The following ARHGEF28 variants were observed in gnomAD, a reference collection of about 807,000 sequenced individuals.
ARHGEF28 encodes the protein Rho guanine nucleotide exchange factor 28.
In ARHGEF28, 152 loss-of-function variants were observed where a neutral mutation model predicts 206.6. The ratio of observed to expected loss-of-function variants is 0.74; its 90% CI spans 0.64 to 0.84. The LOEUF (loss-of-function observed/expected upper bound fraction) is 0.84, where lower values mean the gene tolerates loss of function less well. Among genes scored for constraint, ARHGEF28 ranks in the 40% least tolerant of loss-of-function variants. The pLI, the probability that ARHGEF28 is intolerant of heterozygous loss-of-function variation, is 0.00. For missense variants in ARHGEF28, 2,028 were observed against 2,073.2 expected, an observed-to-expected ratio of 0.98 and a Z score of 0.42; for synonymous variants, 763 against 776.4, an observed-to-expected ratio of 0.98 and a Z score of 0.29.
chr5:73,780,849 G>A, intron 7 of ARHGEF28, 104 bp downstream of exon 7: 2 of 1,263,240 alleles, frequency 1.6e-6, no homozygotes, highest in Non-Finnish European at 2.2e-6. Flanking sequence ...GAATCAAGGG[G>A]CTCAGAGGCA....
intron 1 of ARHGEF28, among the ~76,000 whole-genome samples, chr5:73,671,730 ATATATATATTTTTTTTTTTTTT>A (rs1746352458): frequency 1.3e-4 from 1 of 7,494 alleles, no homozygotes; most frequent in South Asian, 8.1e-3. Context: ...ATATATATAT[ATATATATATTTTTTTTTTTTTT>A]TTTTTTTTTT....
At chr5:73,738,109 G>C (rs113587327) in intron 2 of ARHGEF28, among the ~76,000 whole-genome samples, 6 of 152,328 alleles carry the variant, frequency 3.9e-5, no homozygotes, top group African/African-American at 1.4e-4. Context: ...TTTAGGGGGA[G>C]TTCATTGATT....
At chr5:73,900,793 A>G (rs1762220037) in intron 30 of ARHGEF28, 1 of 167,442 alleles carries the variant, frequency 6.0e-6, no homozygotes, top group Non-Finnish European at 1.3e-5. Context: ...TAAGTCTGCC[A>G]AGAGACCTTG....
intron 2 of ARHGEF28, among the ~76,000 whole-genome samples, chr5:73,706,396 C>T (rs906223980): frequency 2.0e-5 from 3 of 151,744 alleles, no homozygotes; most frequent in Non-Finnish European, 2.9e-5. Context: ...ACCACATTGA[C>T]GATGATTTTG....
intron 2 of ARHGEF28, among the ~76,000 whole-genome samples, chr5:73,734,625 G>C (rs943016591): frequency 5.3e-5 from 8 of 152,010 alleles, no homozygotes; most frequent in African/African-American, 1.9e-4. Context: ...TTATATCCCA[G>C]AAAAAAATCA....
intron 4 of ARHGEF28, among the ~76,000 whole-genome samples, chr5:73,757,873 A>AT (rs1046115726): frequency 1.3e-5 from 2 of 152,016 alleles, no homozygotes; most frequent in African/African-American, 2.4e-5. Context: ...ATTTATTTTT[A>AT]TTTTTTTGTT....
intron 1 of ARHGEF28, among the ~76,000 whole-genome samples, chr5:73,667,912 G>T (rs1313931833): frequency 6.6e-6 from 1 of 152,084 alleles, no homozygotes; most frequent in Admixed American, 6.6e-5. Context: ...AAAGTTCTTT[G>T]CAACTTTATA....
At chr5:73,861,556 C>T (rs1759403443) in intron 16 of ARHGEF28, among the ~76,000 whole-genome samples, 1 of 152,206 alleles carries the variant, frequency 6.6e-6, no homozygotes, top group Non-Finnish European at 1.5e-5. Flanking sequence ...CCTCAGCCTC[C>T]TGAGTCGCTG....
At chr5:73,842,220 C>A (rs1026361861) in intron 11 of ARHGEF28, among the ~76,000 whole-genome samples, 1 of 152,052 alleles carries the variant, frequency 6.6e-6, no homozygotes, top group African/African-American at 2.4e-5. Flanking sequence ...ATTATATGTT[C>A]ATTTTCACGT....
intron 1 of ARHGEF28, among the ~76,000 whole-genome samples, chr5:73,682,201 G>T (rs1747152314): frequency 6.6e-6 from 1 of 152,180 alleles, no homozygotes; most frequent in African/African-American, 2.4e-5. Context: ...GGGCCCTGTT[G>T]TCAAACCCTC....
chr5:73,898,090 G>A lies in ARHGEF28; in HGVS notation c.3970G>A (p.Ala1324Thr). The A allele has an allele frequency of 6.2e-7, 1 of 1,611,068 alleles. No homozygotes were observed. The change falls in exon 30 of 36, where the codon GCC (alanine) becomes ACC (threonine). Residue 1324 changes from alanine (A) to threonine (T), a missense_variant. Ala to Thr is a moderately conservative substitution (Grantham distance 58). This residue lies in a region of ARHGEF28 where 803 missense variants were observed against 768.0 expected (regional missense o/e 1.05). Coordinates refer to ENST00000513042, the MANE Select transcript of ARHGEF28 (RefSeq NM_001177693.2). ...SSHDVPGSPT[A>T]SLVTGGREGR... ...TCATGATGTACCAGGATCACCGACT[G>A]CCTGTAAGTGAAAATGCAGGCCTTG...
intron 22 of ARHGEF28, among the ~76,000 whole-genome samples, chr5:73,878,140 A>T (rs1240882013): frequency 1.3e-5 from 2 of 151,858 alleles, no homozygotes; most frequent in Non-Finnish European, 2.9e-5. Context: ...TAGGATAGTT[A>T]GCTCTTCTTG....
chr5:73,941,903 G>A lies in ARHGEF28; in HGVS notation c.*890G>A, dbSNP rs1376744491. The A allele has an allele frequency of 2.0e-5, 3 of 152,028 alleles. No individual in the cohort carries two copies. Among genetic ancestry groups the A allele is most frequent in the African/African-American group, 7.3e-5 (3 of 41,378 alleles). 9.4% of individuals were successfully genotyped at this position (152,028 alleles called of 1,614,324 possible). On this transcript the variant is annotated 3_prime_UTR_variant, in exon 36 of 36. Transcript: ENST00000513042. The stretch of plus-strand genomic sequence containing the variant: ...CATATCCTGCCTTCCGAGTAGTATG[G>A]GTCTCTGTGTGAGAAACCAGGAGAT...
intron 2 of ARHGEF28, among the ~76,000 whole-genome samples, chr5:73,687,413 A>G (rs761559316): frequency 6.6e-6 from 1 of 151,868 alleles, no homozygotes; most frequent in South Asian, 2.1e-4. Flanking sequence ...GATAGAGTAT[A>G]TAACATTTTT....
chr5:73,933,732 C>A (rs1314885884), intron 35 of ARHGEF28, among the ~76,000 whole-genome samples: 1 of 152,148 alleles, frequency 6.6e-6, no homozygotes, highest in African/African-American at 2.4e-5. Context: ...ATTGGGCTCT[C>A]TTAAAGCAAA....
At chr5:73,755,059 T>G (rs2112408684) in intron 4 of ARHGEF28, among the ~76,000 whole-genome samples, 1 of 151,838 alleles carries the variant, frequency 6.6e-6, no homozygotes, top group Non-Finnish European at 1.5e-5. Flanking sequence ...TGCTAAGCCC[T>G]TATATACAAG....
At chr5:73,911,753 T>C in intron 35 of ARHGEF28, 178 bp downstream of exon 35, 1 of 660,936 alleles carries the variant, frequency 1.5e-6, no homozygotes, top group Non-Finnish European at 2.5e-6. Context: ...AGCCTTTGCT[T>C]GTAAGTTACC....
intron 9 of ARHGEF28, among the ~76,000 whole-genome samples, chr5:73,817,814 G>C (rs1756317779): frequency 6.6e-6 from 1 of 152,092 alleles, no homozygotes; most frequent in South Asian, 2.1e-4. Context: ...TAGCGGTAAG[G>C]GATGGTAAAC....
chr5:73,686,704 A>G (rs1747499490), intron 2 of ARHGEF28, among the ~76,000 whole-genome samples: 1 of 151,658 alleles, frequency 6.6e-6, no homozygotes, highest in South Asian at 2.1e-4. Flanking sequence ...GTATGTTTTT[A>G]GTACAGACAG....
Sources: gnomAD v4.1 joint callset for allele counts (sites outside exome capture counted in the v4.1 genomes callset) on GRCh38, gnomAD v4.1.1 for gene constraint, gnomAD v4.1.1 regional missense constraint, MANE v1.5 for transcripts, NCBI Gene and HGNC (gene_info 2026-07-23, HGNC 2026-07-21) for gene names.